PIEZO2: variants seen among roughly 807,000 people sequenced by gnomAD.
PIEZO2 encodes the protein piezo type mechanosensitive ion channel component 2, also known as piezo-type mechanosensitive ion channel component 2.
In PIEZO2, 172 loss-of-function variants were observed where a neutral mutation model predicts 337.3. That is an observed-to-expected ratio of 0.51 (90% CI 0.45 to 0.58). The LOEUF (loss-of-function observed/expected upper bound fraction) is 0.58. Ranked by LOEUF, PIEZO2 falls within the 20% of genes least tolerant of loss-of-function variation. The pLI is 0.00. For missense variants in PIEZO2, 3,028 were observed against 3,391.3 expected (o/e 0.89, Z 2.66); for synonymous variants, 1,251 against 1,228.5 (o/e 1.02, Z -0.38).
At chr18:11,072,699 T>C (rs1217465406) in intron 1 of PIEZO2, among the ~76,000 whole-genome samples, 1 of 152,248 alleles carries the variant, frequency 6.6e-6, no homozygotes, top group Non-Finnish European at 1.5e-5. Context: ...GGTACAGCTA[T>C]GTAGCCTGGC....
At chr18:11,120,756 A>G (rs9947538) in intron 1 of PIEZO2, among the ~76,000 whole-genome samples, 2,419 of 152,364 alleles carry the variant, frequency 0.016, 62 homozygotes, top group African/African-American at 0.056. Flanking sequence ...GAGGATATTC[A>G]TGTAAACATG....
intron 3 of PIEZO2, among the ~76,000 whole-genome samples, chr18:10,955,468 T>C (rs1256150961): frequency 1.3e-5 from 2 of 152,208 alleles, no homozygotes; most frequent in East Asian, 3.9e-4. Flanking sequence ...AGTGCTTGTA[T>C]TTTAGTGTTT....
chr18:11,084,969 A>C (rs897295277), intron 1 of PIEZO2, among the ~76,000 whole-genome samples: 9 of 152,230 alleles, frequency 5.9e-5, no homozygotes, highest in Non-Finnish European at 8.8e-5. Flanking sequence ...CATCTGCTTC[A>C]CCTCCTTCAC....
chr18:10,809,914 T>C (rs896505328), intron 7 of PIEZO2, among the ~76,000 whole-genome samples: 4 of 152,156 alleles, frequency 2.6e-5, no homozygotes, highest in African/African-American at 4.8e-5. Flanking sequence ...AATCTCTCCA[T>C]AGAAATATCT....
chr18:10,737,464 G>T (rs531017435), intron 33 of PIEZO2, among the ~76,000 whole-genome samples: 2 of 152,040 alleles, frequency 1.3e-5, no homozygotes, highest in Non-Finnish European at 2.9e-5. Flanking sequence ...TGGCAGACAG[G>T]GTCCATAGGG....
At chr18:10,685,489 T>C (rs2034508640) in intron 49 of PIEZO2, among the ~76,000 whole-genome samples, 1 of 152,248 alleles carries the variant, frequency 6.6e-6, no homozygotes, top group South Asian at 2.1e-4. Flanking sequence ...TAAGTCTTTG[T>C]TGGCATGCAT....
chr18:10,968,308 T>C (rs573750854), intron 3 of PIEZO2, among the ~76,000 whole-genome samples: 2 of 152,360 alleles, frequency 1.3e-5, no homozygotes, highest in South Asian at 4.1e-4. Flanking sequence ...CATTAGTCTA[T>C]GTGCCTATTT....
intron 49 of PIEZO2, among the ~76,000 whole-genome samples, chr18:10,688,917 C>T (rs1443035165): frequency 6.6e-6 from 1 of 152,096 alleles, no homozygotes; most frequent in Non-Finnish European, 1.5e-5. Context: ...ATTGCCAGCC[C>T]CATCTCCCTC....
chr18:10,913,409 C>T lies in PIEZO2; in HGVS notation c.287-2181G>A, dbSNP rs115102730. 8.0e-3 allele frequency among the ~76,000 whole-genome samples: 1,211 copies of T among 152,210 alleles called. 17 individuals are homozygous for T. Among genetic ancestry groups the T allele is most frequent in the African/African-American group, 0.028 (1,148 of 41,554 alleles). Reference sequence around the variant, plus strand: ...AGGGTCCCCGGAGGGAAGGATTGGACGGTGAGGAGGTTGAGATGCTGCTCG... The same window carrying T: ...AGGGTCCCCGGAGGGAAGGATTGGATGGTGAGGAGGTTGAGATGCTGCTCG... On this transcript the variant is annotated intron_variant, in intron 3 of 55. Coordinates refer to ENST00000674853, the MANE Select transcript of PIEZO2 (RefSeq NM_001378183.1).
Position 10,726,534 on chromosome 18 carries a change from G to C in PIEZO2, c.5029+4873C>G. 9 of 1,452,670 alleles carry C rather than the reference G, an allele frequency of 6.2e-6. No homozygotes were observed. The highest frequency in any genetic ancestry group is 1.4e-5 in the African/African-American group (1 of 70,826). 90.0% of individuals were successfully genotyped at this position (1,452,670 alleles called of 1,614,324 possible). ...TTCCTGTGGCGCGCTGCGCTGCTCT[G>C]CTCTGCTACACCAGCCGCCACGCTG... On this transcript the variant is annotated intron_variant, in intron 36 of 55. Transcript: ENST00000674853. The surrounding 1 kb of genome is among the most constrained non-coding windows in gnomAD (Gnocchi z 5.9).
intron 2 of PIEZO2, among the ~76,000 whole-genome samples, chr18:11,015,647 G>A (rs1368727607): frequency 1.3e-5 from 2 of 152,096 alleles, no homozygotes; most frequent in African/African-American, 4.8e-5. Flanking sequence ...CCCCTTTCCT[G>A]CTGCATTTGC....
chr18:10,967,557 A>C (rs1263130901), intron 3 of PIEZO2, among the ~76,000 whole-genome samples: 1 of 152,200 alleles, frequency 6.6e-6, no homozygotes, highest in Non-Finnish European at 1.5e-5. Context: ...ACTAGTCTAC[A>C]TTCCCATCAA....
chr18:10,710,963 A>G (rs2035797032), intron 39 of PIEZO2, among the ~76,000 whole-genome samples: 1 of 152,258 alleles, frequency 6.6e-6, no homozygotes, highest in Non-Finnish European at 1.5e-5. Flanking sequence ...TTGAAAAACA[A>G]AATAAAAATA....
At chr18:10,804,039 C>T in intron 8 of PIEZO2, 45 bp from the exon 9 acceptor site, 1 of 1,528,712 alleles carries the variant, frequency 6.5e-7, no homozygotes, top group Non-Finnish European at 8.7e-7. Flanking sequence ...GAGGCAGTTC[C>T]CTAGACAGCC....
rs1567989927 is a variant in PIEZO2 at position 10,726,145 on chromosome 18, GGA to G, written c.5029+5260_5029+5261del. On this transcript the variant is annotated intron_variant, in intron 36 of 55. Coordinates refer to ENST00000674853, the MANE Select transcript of PIEZO2 (RefSeq NM_001378183.1). This position sits in a 1 kb window ranked among gnomAD's most constrained non-coding sequence, Gnocchi z 5.9. ...GGTGCGTGGGTGTAGGGTGGTGGGG[GGA>G]TGGGTGGGAGAGGATTCATATATGT... Among the ~76,000 whole-genome samples the G allele has an allele frequency of 1.3e-5, 2 of 151,398 alleles. No homozygotes were observed. Among genetic ancestry groups the G allele is most frequent in the African/African-American group, 4.9e-5 (2 of 41,218 alleles).
chr18:11,044,958 A>T (rs2145823454), intron 2 of PIEZO2, among the ~76,000 whole-genome samples: 1 of 151,834 alleles, frequency 6.6e-6, no homozygotes, highest in Non-Finnish European at 1.5e-5. Context: ...ACACCAGACC[A>T]GGCAACACAC....
intron 2 of PIEZO2, among the ~76,000 whole-genome samples, chr18:11,014,000 G>A (rs573241021): frequency 2.0e-4 from 30 of 152,290 alleles, no homozygotes; most frequent in Admixed American, 7.8e-4. Context: ...TGAAGAAACC[G>A]AGAAGAATGA....
At chr18:10,701,834 C>A in intron 43 of PIEZO2, 155 bp downstream of exon 43, 2 of 455,860 alleles carry the variant, frequency 4.4e-6, no homozygotes, top group Non-Finnish European at 6.9e-6. Context: ...TTTTCTCTCT[C>A]TTTTTTTTTT....
Position 11,076,024 on chromosome 18 carries a change from G to A in PIEZO2, c.65-9802C>T, listed in dbSNP as rs1392242305. Among the ~76,000 whole-genome samples the A allele has an allele frequency of 4.6e-5, 7 of 152,104 alleles. No individual in the cohort carries two copies. In the East Asian group the frequency reaches 5.8e-4, roughly 13 times the overall value. ...GATGGCCTGGATCTCCTGACCTTGT[G>A]AGCCACCCACCTCGGCCTCCCAAAG... On this transcript the variant is annotated intron_variant, in intron 1 of 55. Transcript: ENST00000674853.
Sources: allele counts gnomAD v4.1 joint callset (sites outside exome capture counted in the v4.1 genomes callset), GRCh38; gene constraint gnomAD v4.1.1; non-coding constraint Gnocchi (gnomAD v3.1); transcripts MANE v1.5; gene names NCBI Gene and HGNC (gene_info 2026-07-23, HGNC 2026-07-21).